Variants in CACNA1C observed in about 807,000 individuals in gnomAD.
CACNA1C encodes calcium voltage-gated channel subunit alpha1 C.
A neutral mutation model predicts 229.0 loss-of-function variants in CACNA1C; 30 were observed. The observed-to-expected ratio is 0.13, with a 90% CI of 0.10 to 0.18. The LOEUF (loss-of-function observed/expected upper bound fraction) is 0.18, where lower values mean the gene tolerates loss of function less well. Among genes scored for constraint, CACNA1C ranks in the 10% least tolerant of loss-of-function variants. The pLI is 1.00. For missense variants in CACNA1C, 1,658 were observed against 2,845.0 expected (o/e 0.58, Z 9.49); for synonymous variants, 1,114 against 1,132.5 (o/e 0.98, Z 0.33).
At chr12:2,607,432 C>G (rs1292768340) in intron 26 of CACNA1C, 4 of 276,516 alleles carry the variant, frequency 1.4e-5, no homozygotes, top group Non-Finnish European at 2.7e-5. Flanking sequence ...CTTATGGCAT[C>G]TGGGAGTTGG....
chr12:2,458,280 C>T (rs766491786), intron 5 of CACNA1C, among the ~76,000 whole-genome samples: 27 of 152,312 alleles, frequency 1.8e-4, no homozygotes, highest in African/African-American at 6.3e-4. Context: ...GAGGATATTC[C>T]GCTCTCTGAA....
chr12:2,422,852 G>A (rs994659973), intron 3 of CACNA1C, among the ~76,000 whole-genome samples: 3 of 152,162 alleles, frequency 2.0e-5, no homozygotes, highest in African/African-American at 4.8e-5. Flanking sequence ...TGAGGGAGAG[G>A]CAGCACTCCC....
At chr12:2,118,885 G>A (rs1400542239) in intron 2 of CACNA1C, among the ~76,000 whole-genome samples, 1 of 152,200 alleles carries the variant, frequency 6.6e-6, no homozygotes, top group Non-Finnish European at 1.5e-5. Flanking sequence ...TCCACTGTGT[G>A]GCATCTTTTT....
intron 13 of CACNA1C, among the ~76,000 whole-genome samples, chr12:2,570,385 A>G (rs1404973175): frequency 6.6e-6 from 1 of 152,150 alleles, no homozygotes; most frequent in African/African-American, 2.4e-5. Flanking sequence ...CACCCAGAGC[A>G]TGGTCACATG....
chr12:2,131,481 A>G (rs1234270601), intron 3 of CACNA1C, among the ~76,000 whole-genome samples: 10 of 34,482 alleles, frequency 2.9e-4, no homozygotes, highest in Non-Finnish European at 5.8e-4. Context: ...TGATTTTTGT[A>G]TAAGGTGTAA....
At chr12:2,166,949 C>T (rs1164171291) in intron 3 of CACNA1C, among the ~76,000 whole-genome samples, 1 of 152,184 alleles carries the variant, frequency 6.6e-6, no homozygotes, top group Non-Finnish European at 1.5e-5. Flanking sequence ...GACGTAGTAA[C>T]AGAAAAAGAA....
At chr12:2,687,677 T>A in intron 45 of CACNA1C, among the ~76,000 whole-genome samples, 1 of 152,082 alleles carries the variant, frequency 6.6e-6, no homozygotes, top group Admixed American at 6.6e-5. Flanking sequence ...GTAGCTGGGA[T>A]TACAGGCATG....
chr12:2,583,298 G>A (rs2061267737), intron 15 of CACNA1C, among the ~76,000 whole-genome samples: 1 of 152,244 alleles, frequency 6.6e-6, no homozygotes, highest in Admixed American at 6.5e-5. Context: ...TCTGCTCAGA[G>A]GCGGGACGCT....
chr12:2,048,342 T>C (rs967037332), upstream of CACNA1C: 4 of 152,230 alleles, frequency 2.6e-5, no homozygotes, highest in African/African-American at 9.7e-5. Flanking sequence ...AGAAGGCACA[T>C]TTAAGCTGGG....
chr12:2,318,607 C>CT (rs1313184455), intron 3 of CACNA1C, among the ~76,000 whole-genome samples: 1 of 152,206 alleles, frequency 6.6e-6, no homozygotes, highest in Non-Finnish European at 1.5e-5. Flanking sequence ...GCTAAGGGTC[C>CT]CAGAAATCAG....
At chr12:2,611,089 G>A (rs976874727) in intron 28 of CACNA1C, among the ~76,000 whole-genome samples, 6 of 149,820 alleles carry the variant, frequency 4.0e-5, no homozygotes, top group Non-Finnish European at 5.9e-5. Context: ...ATTCCTTGTT[G>A]GTTGATCAAT....
chr12:2,071,172 C>CCCTGCCTGCCTGCCTG lies in CACNA1C; in HGVS notation c.49+17585_49+17600dup, dbSNP rs767264073. Among the ~76,000 whole-genome samples, 45 of 16,038 alleles carry CCCTGCCTGCCTGCCTG rather than the reference C, an allele frequency of 2.8e-3. 2 individuals carry two copies. Among genetic ancestry groups the CCCTGCCTGCCTGCCTG allele is most frequent in the African/African-American group, 0.014 (36 of 2,578 alleles). The allele number at this position is 16,038 out of a possible 152,430, so 10.5% of individuals were successfully genotyped here. On this transcript the variant is annotated intron_variant, in intron 1 of 46. Coordinates refer to ENST00000399655, the MANE Select transcript of CACNA1C (RefSeq NM_000719.7). ...TCCCTCCCTCCCTCCCTCCCTCCCT[C>CCCTGCCTGCCTGCCTG]CCTGCCTGCCTGCCTGCCTGCCTGC...
chr12:2,180,632 G>T (rs117758397), intron 3 of CACNA1C, among the ~76,000 whole-genome samples: 1 of 152,196 alleles, frequency 6.6e-6, no homozygotes, highest in Non-Finnish European at 1.5e-5. Context: ...AGTGCGCTGC[G>T]TTCTAGAACA....
rs562244639 is a variant in CACNA1C, at chr12:2,017,042, TG to T, written c.139+45843del. Among the ~76,000 whole-genome samples the T allele has an allele frequency of 1.9e-4, 29 of 152,338 alleles. No homozygotes were observed. The East Asian group carries it at 5.0e-3, about 26-fold the overall frequency. On this transcript the variant is annotated intron_variant, in intron 1 of 46. Transcript: ENST00000682462. ...GGACCACGTTTGGACTTTGGGAATT[TG>T]GAGTTTATTCTCTAGGCAATGAAGT...
At position 2,566,074 on chromosome 12, in the gene CACNA1C, A is replaced by G. The variant is rs1030630234; in HGVS notation, c.1509-348A>G. On this transcript the variant is annotated intron_variant, in intron 11 of 46. Coordinates refer to ENST00000399655, the MANE Select transcript of CACNA1C (RefSeq NM_000719.7). This position sits in a 1 kb window ranked among gnomAD's most constrained non-coding sequence, Gnocchi z 4.0. The stretch of plus-strand genomic sequence containing the variant: ...TAATGCTCTTATTGCTTACAACACT[A>G]TTTCTAAGAATGCTGTTTCACAAAA... 2.0e-5 allele frequency among the ~76,000 whole-genome samples: 3 copies of G among 152,170 alleles called. No individual in the cohort carries two copies. Among genetic ancestry groups the G allele is most frequent in the Non-Finnish European group, 2.9e-5 (2 of 68,030 alleles).
At chr12:2,481,500 TA>T (rs1231154910) in intron 5 of CACNA1C, among the ~76,000 whole-genome samples, 1 of 152,238 alleles carries the variant, frequency 6.6e-6, no homozygotes. Context: ...GTCTGCCGGC[TA>T]AACTCCATCC....
intron 3 of CACNA1C, among the ~76,000 whole-genome samples, chr12:2,304,936 C>G (rs1207541041): frequency 1.3e-5 from 2 of 152,138 alleles, no homozygotes; most frequent in Non-Finnish European, 1.5e-5. Flanking sequence ...GCTTTCATTT[C>G]TAATGTGACG....
intron 3 of CACNA1C, among the ~76,000 whole-genome samples, chr12:2,368,919 T>C (rs529058636): frequency 3.9e-5 from 6 of 152,256 alleles, no homozygotes; most frequent in African/African-American, 1.4e-4. Flanking sequence ...TTCCTACAGA[T>C]GAACAGAATG....
At chr12:2,397,549 A>G (rs140811693) in intron 3 of CACNA1C, among the ~76,000 whole-genome samples, 1,555 of 152,358 alleles carry the variant, frequency 0.01, 12 homozygotes, top group Non-Finnish European at 0.016. Context: ...GTGGCCCTGG[A>G]CCAGTCCAGA....
Sources: allele counts gnomAD v4.1 joint callset (sites outside exome capture counted in the v4.1 genomes callset), GRCh38; gene constraint gnomAD v4.1.1; non-coding constraint Gnocchi (gnomAD v3.1); transcripts MANE v1.5; gene names NCBI Gene and HGNC (gene_info 2026-07-23, HGNC 2026-07-21).